RFX6: variants seen among roughly 807,000 people sequenced by gnomAD.
The protein encoded by RFX6 is DNA-binding protein RFX6.
RFX6 carries 50 observed loss-of-function variants against 110.8 expected under a neutral mutation model. The observed-to-expected ratio is 0.45, with a 90% confidence interval of 0.36 to 0.57. The LOEUF (loss-of-function observed/expected upper bound fraction) is 0.57. Among genes scored for constraint, RFX6 ranks in the 20% least tolerant of loss-of-function variants. The pLI is 0.00. For missense variants in RFX6, 990 were observed against 1,127.0 expected (o/e 0.88, Z 1.74); for synonymous variants, 383 against 411.2 (o/e 0.93, Z 0.83).
intron 17 of RFX6, 59 bp downstream of exon 17, chr6:116,927,598 A>C (rs1775774687): frequency 7.2e-7 from 1 of 1,387,782 alleles, no homozygotes; most frequent in Non-Finnish European, 1.0e-6. Context: ...GCAAAATCAG[A>C]CATTGCGTTC....
At chr6:116,893,774 C>T (rs1215518595) in intron 4 of RFX6, among the ~76,000 whole-genome samples, 1 of 152,092 alleles carries the variant, frequency 6.6e-6, no homozygotes, top group Non-Finnish European at 1.5e-5. Context: ...TTTTTCAAGC[C>T]TAGAGTCAGA....
chr6:116,904,118 T>G (rs569859886), intron 6 of RFX6, among the ~76,000 whole-genome samples: 1 of 152,242 alleles, frequency 6.6e-6, no homozygotes, highest in Admixed American at 6.5e-5. Flanking sequence ...TCTGTGTTTT[T>G]TATTTGGAAA....
In RFX6 at chr6:116,922,029, T is replaced by G; in HGVS notation, c.1328-13T>G. The G allele has an allele frequency of 1.7e-6, 2 of 1,171,280 alleles. No homozygotes were observed. The highest frequency in any genetic ancestry group is 2.5e-6 in the Non-Finnish European group (2 of 790,124). The allele number at this position is 1,171,280 out of a possible 1,614,324, so 72.6% of individuals were successfully genotyped here. Reference sequence around the variant, plus strand: ...GTTTTCTTTTCTTTCTTTTTTTTTTTTTTCCTGGGTAGATGACTCTATCAC... The same window carrying G: ...GTTTTCTTTTCTTTCTTTTTTTTTTGTTTCCTGGGTAGATGACTCTATCAC... On this transcript the variant is annotated splice_polypyrimidine_tract_variant and intron_variant, in intron 12 of 18. Coordinates refer to ENST00000332958, the MANE Select transcript of RFX6 (RefSeq NM_173560.4).
Position 116,927,743 on chromosome 6 carries a change from C to CTTTTTTTTTT in RFX6, c.2398+214_2398+223dup, listed in dbSNP as rs60638457. ...GGCTTTCCTAAAGTTGCCCTTCTTC[C>CTTTTTTTTTT]TTTTTTTTTTTTTTTTTTTGAGACA... On this transcript the variant is annotated intron_variant, in intron 17 of 18. Transcript: ENST00000332958. Among the ~76,000 whole-genome samples the CTTTTTTTTTT allele has an allele frequency of 8.9e-4, 106 of 119,500 alleles. 3 individuals are homozygous for CTTTTTTTTTT. The highest frequency in any genetic ancestry group is 3.3e-3 in the African/African-American group (103 of 31,030). The allele number at this position is 119,500 out of a possible 152,430, so 78.4% of individuals were successfully genotyped here. A position where few individuals can be genotyped will look rare whatever the true frequency, so the allele number is the denominator to read the frequency against.
intron 2 of RFX6, among the ~76,000 whole-genome samples, chr6:116,880,319 A>G (rs926961133): frequency 2.0e-5 from 3 of 152,064 alleles, no homozygotes; most frequent in African/African-American, 7.2e-5. Flanking sequence ...TATGTTAGCC[A>G]TGATATTTTA....
At chr6:116,919,003 A>G (rs1347921799) in intron 10 of RFX6, 134 bp from the exon 11 acceptor site, 1 of 746,432 alleles carries the variant, frequency 1.3e-6, no homozygotes, top group Admixed American at 2.4e-5. Flanking sequence ...AAGATGATAA[A>G]TGGCAGATCT....
chr6:116,877,249 GC>G lies in RFX6; in HGVS notation c.-26del, dbSNP rs1562129887. The G allele has an allele frequency of 6.4e-7, 1 of 1,566,206 alleles. No homozygotes were observed. The highest frequency in any genetic ancestry group is 1.1e-5 in the South Asian group (1 of 87,256). ...CGCTGGGGAACCGGCCGAGCGGCGC[GC>G]GCGGAGGTGTCCGGCGGCCAGGAGG... is the stretch of plus-strand genomic sequence containing the variant. On this transcript the variant is annotated 5_prime_UTR_variant, in exon 1 of 19. Transcript: ENST00000332958.
At position 116,919,216 on chromosome 6, in the gene RFX6, C is replaced by G. The variant is rs1316959667; in HGVS notation, c.1102C>G (p.Leu368Val). ...ATCCTTGGAAAACTTGCCAGAAGCT[C>G]TAACTGACAAGAAAATACCTATTGT... ...VSSLENLPEALTDKKIPIVRR... is the reference protein window; with the variant it reads ...VSSLENLPEAVTDKKIPIVRR... The change falls in exon 11 of 19, where the codon CTA becomes GTA. Residue 368 changes from leucine to valine, a missense_variant. Leu to Val is a conservative substitution (Grantham distance 32). This residue lies in a region of RFX6 where 243 missense variants were observed against 353.1 expected (regional missense o/e 0.69). Coordinates refer to ENST00000332958, the MANE Select transcript of RFX6 (RefSeq NM_173560.4). The G allele has an allele frequency of 6.2e-7, 1 of 1,613,382 alleles. No individual in the cohort carries two copies. Among genetic ancestry groups the G allele is most frequent in the Non-Finnish European group, 8.5e-7 (1 of 1,179,428 alleles).
At chr6:116,896,777 T>C (rs998547772) in intron 6 of RFX6, among the ~76,000 whole-genome samples, 2 of 152,168 alleles carry the variant, frequency 1.3e-5, no homozygotes, top group African/African-American at 4.8e-5. Flanking sequence ...TCAGTGCAAA[T>C]CTTCATATAC....
intron 6 of RFX6, among the ~76,000 whole-genome samples, chr6:116,895,658 A>ACC (rs1774929224): frequency 6.6e-6 from 1 of 151,794 alleles, no homozygotes; most frequent in Non-Finnish European, 1.5e-5. Context: ...ACACACACAC[A>ACC]CACACACACA....
intron 10 of RFX6, among the ~76,000 whole-genome samples, chr6:116,918,558 CA>C (rs200371571): frequency 0.17 from 17,221 of 103,382 alleles, 1,216 homozygotes; most frequent in African/African-American, 0.27. Flanking sequence ...GAAGATTTTT[CA>C]AAAAAAAAAA....
rs1201321824 is a variant in RFX6, at chr6:116,913,896, G to A, written c.781-2112G>A. Among the ~76,000 whole-genome samples, 4 of 152,168 alleles carry A rather than the reference G, an allele frequency of 2.6e-5. No homozygotes were observed. In the East Asian group the frequency reaches 7.7e-4, roughly 29 times the overall value. ...GATAAATCAGTGTAATTGGGTTACT[G>A]ATCACCTTAAATATTTATCTTCTCT... On this transcript the variant is annotated intron_variant, in intron 7 of 18. Transcript: ENST00000332958.
At chr6:116,910,274 TG>T (rs902041175) in intron 6 of RFX6, among the ~76,000 whole-genome samples, 1 of 152,222 alleles carries the variant, frequency 6.6e-6, no homozygotes, top group Admixed American at 6.5e-5. Flanking sequence ...TCTTCCTGTG[TG>T]GGTTTCCTGT....
Position 116,877,958 on chromosome 6 carries a change from A to G in RFX6, c.380+6A>G. On this transcript the variant is annotated splice_donor_region_variant and intron_variant, in intron 2 of 18. Coordinates refer to ENST00000332958, the MANE Select transcript of RFX6 (RefSeq NM_173560.4). ...ACACAGCTCACGCTGCAGTGGTGAG[A>G]CTCGCCCGCAGGGTACACTGAAGCA... The G allele has an allele frequency of 1.2e-6, 2 of 1,613,686 alleles. No individual in the cohort carries two copies. Among genetic ancestry groups the G allele is most frequent in the South Asian group, 2.2e-5 (2 of 91,060 alleles).
intron 10 of RFX6, 51 bp from the exon 11 acceptor site, chr6:116,919,086 T>C (rs1775535714): frequency 6.7e-7 from 1 of 1,493,754 alleles, no homozygotes. Context: ...AATATGATTG[T>C]TTAATGCATT....
chr6:116,877,680 C>T lies in RFX6; in HGVS notation c.224-116C>T, dbSNP rs1192660118. On this transcript the variant is annotated intron_variant, in intron 1 of 18. Coordinates refer to ENST00000332958, the MANE Select transcript of RFX6 (RefSeq NM_173560.4). ...CTGACATTTTGCATAGCCCCCCTTT[C>T]CTCCCCTCCGCCCCCACCCCAGTAG... 5.5e-6 allele frequency: 6 copies of T among 1,091,120 alleles called. No homozygotes were observed. The African/African-American group carries it at 6.3e-5, about 12-fold the overall frequency. The allele number at this position is 1,091,120 out of a possible 1,614,324, so 67.6% of individuals were successfully genotyped here.
intron 5 of RFX6, 33 bp downstream of exon 5, chr6:116,894,097 T>G: frequency 8.7e-7 from 1 of 1,147,468 alleles, no homozygotes; most frequent in Non-Finnish European, 1.3e-6. Flanking sequence ...ACAAATTCTC[T>G]GTGTTTCTTT....
At chr6:116,907,405 A>G (rs1213481303) in intron 6 of RFX6, among the ~76,000 whole-genome samples, 1 of 152,076 alleles carries the variant, frequency 6.6e-6, no homozygotes, top group Non-Finnish European at 1.5e-5. Flanking sequence ...TTCCTCTTCA[A>G]TTCCTTGGAA....
At chr6:116,902,373 C>A (rs1210248420) in intron 6 of RFX6, among the ~76,000 whole-genome samples, 1 of 151,532 alleles carries the variant, frequency 6.6e-6, no homozygotes, top group African/African-American at 2.4e-5. Context: ...ACAACAACAA[C>A]AAAAAACAAC....
Sources: gnomAD v4.1 joint callset for allele counts (sites outside exome capture counted in the v4.1 genomes callset) on GRCh38, gnomAD v4.1.1 for gene constraint, gnomAD v4.1.1 regional missense constraint, MANE v1.5 for transcripts, NCBI Gene and HGNC (gene_info 2026-07-23, HGNC 2026-07-21) for gene names.